Variants in LYPD4 observed in about 807,000 individuals in gnomAD.
LYPD4 encodes the protein LY6/PLAUR domain containing 4.
Under a neutral mutation model 18.2 loss-of-function variants are expected in LYPD4, and 20 were observed. The observed-to-expected ratio is 1.10, with a 90% CI of 0.77 to 1.59. The LOEUF (loss-of-function observed/expected upper bound fraction) is 1.59, where lower values mean the gene tolerates loss of function less well. Ranked by LOEUF, LYPD4 falls within the 40% of genes most tolerant of loss-of-function variation. The probability of loss-of-function intolerance (pLI) is 0.00; values close to 1 mark genes in which losing one functional copy is unlikely to be tolerated. For synonymous variants in LYPD4, 111 were observed against 118.3 expected, an observed-to-expected ratio of 0.94 and a Z score of 0.40; for missense variants, 278 against 300.3, an observed-to-expected ratio of 0.93 and a Z score of 0.55.
In LYPD4 at chr19:41,844,068, T is replaced by G. The variant is rs1600574927; in HGVS notation, c.-611A>C. The G allele has an allele frequency of 6.7e-6, 1 of 149,734 alleles. No individual in the cohort carries two copies. The highest frequency in any genetic ancestry group is 2.5e-5 in the African/African-American group (1 of 40,344). The allele number at this position is 149,734 out of a possible 1,614,324, so 9.3% of individuals were successfully genotyped here. A position where few individuals can be genotyped will look rare whatever the true frequency, so the allele number is the denominator to read the frequency against. On this transcript the variant is annotated 5_prime_UTR_variant, in exon 1 of 5. Transcript: ENST00000609812. ...GAAAATGAGGAGTGGGGCACAAAGG[T>G]GGGGCTCTCAGGGAGAAGAGGAGTC... is the stretch of plus-strand genomic sequence containing the variant.
At position 41,838,950 on chromosome 19, in the gene LYPD4, G is replaced by A. The variant is rs1555832291; in HGVS notation, c.142C>T (p.Leu48Phe). The A allele has an allele frequency of 1.2e-6, 2 of 1,613,884 alleles. No homozygotes were observed. The highest frequency in any genetic ancestry group is 1.7e-6 in the Non-Finnish European group (2 of 1,179,994). ...RAVAFHNWKW[L>F]LMRNMVCKLQ... ...TTACACACCATGTTCCTCATCAGAA[G>A]CCACTTCCAGTTATGGAAAGCAACA... Residue 48 changes from leucine to phenylalanine, a missense_variant, in exon 3 of 5, where the codon CTT becomes TTT. Leu to Phe is a conservative substitution (Grantham distance 22, BLOSUM62 0). Transcript: ENST00000609812.
At chr19:41,840,661 T>C (rs2123122091) in intron 1 of LYPD4, among the ~76,000 whole-genome samples, 1 of 151,356 alleles carries the variant, frequency 6.6e-6, no homozygotes. Flanking sequence ...TGAAACCCCA[T>C]CTCTAAAAAC....
chr19:41,837,151 T>C lies in LYPD4; in HGVS notation c.733A>G (p.Arg245Gly), dbSNP rs1411423239. The change falls in exon 5 of 5, where the codon AGG (arginine) becomes GGG (glycine). Residue 245 changes from arginine (R) to glycine (G), a missense_variant. By Grantham distance (125) the Arg-to-Gly change is moderately radical. Coordinates refer to ENST00000609812, the MANE Select transcript of LYPD4 (RefSeq NM_173506.7). ...GVVLGLLFAF[R>G]D Reference sequence around the variant, plus strand: ...CGGGTGCAGCTAGATGGTCAGTCCCTGAAGGCAAACAGGAGGCCTAAGACG... The same window carrying C: ...CGGGTGCAGCTAGATGGTCAGTCCCCGAAGGCAAACAGGAGGCCTAAGACG... 1 of 1,613,828 alleles carries C rather than the reference T, an allele frequency of 6.2e-7. No individual in the cohort carries two copies. Among genetic ancestry groups the C allele is most frequent in the Non-Finnish European group, 8.5e-7 (1 of 1,179,886 alleles).
rs782014271 is a variant in LYPD4 at position 41,837,142 on chromosome 19, G to A, written c.*1C>T. ...GGTGCTTGTCGGGTGCAGCTAGATG[G>A]TCAGTCCCTGAAGGCAAACAGGAGG... On this transcript the variant is annotated 3_prime_UTR_variant, in exon 5 of 5. Coordinates refer to ENST00000609812, the MANE Select transcript of LYPD4 (RefSeq NM_173506.7). 10 of 1,613,720 alleles carry A rather than the reference G, an allele frequency of 6.2e-6. No homozygotes were observed. The African/African-American group carries it at 1.3e-4, about 22-fold the overall frequency.
chr19:41,844,362 G>A lies in LYPD4; in HGVS notation c.-905C>T, dbSNP rs1478555611. 3 of 152,274 alleles carry A rather than the reference G, an allele frequency of 2.0e-5. No individual in the cohort carries two copies. The highest frequency in any genetic ancestry group is 2.9e-5 in the Non-Finnish European group (2 of 68,080). The allele number at this position is 152,274 out of a possible 1,614,324, so 9.4% of individuals were successfully genotyped here. On this transcript the variant is annotated 5_prime_UTR_variant, in exon 1 of 5. Transcript: ENST00000609812. ...CAGGCTATCAGGGCATGAAGCACGG[G>A]AGAAAATGGGTCCGAAGAGGGAGAG...
intron 1 of LYPD4, among the ~76,000 whole-genome samples, chr19:41,840,478 T>G (rs1555833035): frequency 3.3e-5 from 5 of 152,186 alleles, no homozygotes; most frequent in Non-Finnish European, 7.3e-5. Context: ...TCCAAGGGAC[T>G]CTATGTACCA....
downstream of LYPD4, among the ~76,000 whole-genome samples, chr19:41,836,719 G>A (rs1310293987): frequency 6.7e-6 from 1 of 148,866 alleles, no homozygotes; most frequent in Non-Finnish European, 1.5e-5. Context: ...AACATAGTGA[G>A]ACAGACCCCC....
At chr19:41,839,128 A>C in intron 2 of LYPD4, 91 bp downstream of exon 2, 2 of 1,612,556 alleles carry the variant, frequency 1.2e-6, no homozygotes, top group South Asian at 2.2e-5. Flanking sequence ...TCCCCAGCGA[A>C]ACCTAGATAC....
intron 1 of LYPD4, among the ~76,000 whole-genome samples, chr19:41,841,120 G>A (rs1358272784): frequency 3.3e-5 from 5 of 152,040 alleles, no homozygotes; most frequent in South Asian, 2.1e-4. Flanking sequence ...TAGTTAGTTC[G>A]CTGGCAAATC....
At chr19:41,838,382 C>T in intron 3 of LYPD4, 121 bp from the exon 4 acceptor site, 2 of 807,712 alleles carry the variant, frequency 2.5e-6, no homozygotes, top group Non-Finnish European at 3.6e-6. Context: ...CCCTCCCCAA[C>T]CCCTGTGTCC....
rs2073500495 is a variant in LYPD4, at chr19:41,839,421, G to T, written c.-120-16C>A. On this transcript the variant is annotated splice_polypyrimidine_tract_variant and intron_variant, in intron 1 of 4. Transcript: ENST00000609812. ...GTCACTGTTTCTGGAGCAGAAAGTT[G>T]ATTGCATCAGCTTCTAGGACATAGG... The T allele has an allele frequency of 2.5e-6, 2 of 800,232 alleles. No individual in the cohort carries two copies. Among genetic ancestry groups the T allele is most frequent in the East Asian group, 2.6e-5 (1 of 38,122 alleles). The allele number at this position is 800,232 out of a possible 1,614,324, so 49.6% of individuals were successfully genotyped here. A position where few individuals can be genotyped will look rare whatever the true frequency, so the allele number is the denominator to read the frequency against.
downstream of LYPD4, chr19:41,835,746 G>T (rs949919042): frequency 2.0e-6 from 2 of 983,246 alleles, no homozygotes; most frequent in Non-Finnish European, 2.4e-6. Flanking sequence ...CCGAAACCTC[G>T]TGTCAGTCCC....
chr19:41,835,852 T>A, downstream of LYPD4: 1 of 985,046 alleles, frequency 1.0e-6, no homozygotes, highest in Non-Finnish European at 1.2e-6. Flanking sequence ...GTTAAGCCTG[T>A]GTCCTCGCCT....
rs1600568692 is a variant in LYPD4 at position 41,843,055 on chromosome 19, AAAAAAAAAAAAAAAAAAAAAAAC to A, written c.-121+500_-121+522del. On this transcript the variant is annotated intron_variant, in intron 1 of 4. Transcript: ENST00000609812. ...GCTAAAAAAAAAAAAAAAAAAAAAA[AAAAAAAAAAAAAAAAAAAAAAAC>A]CCCAACAACAACACTACACACATCC... 9.6e-4 allele frequency among the ~76,000 whole-genome samples: 57 copies of A among 59,404 alleles called. 1 individual carries two copies. Among genetic ancestry groups the A allele is most frequent in the South Asian group, 3.2e-3 (4 of 1,238 alleles). The allele number at this position is 59,404 out of a possible 152,430, so 39.0% of individuals were successfully genotyped here.
At position 41,838,263 on chromosome 19, in the gene LYPD4, T is replaced by G; in HGVS notation, c.212-2A>C. On this transcript the variant is annotated splice_acceptor_variant, in intron 3 of 4. Coordinates refer to ENST00000609812, the MANE Select transcript of LYPD4 (RefSeq NM_173506.7). LOFTEE classifies it high-confidence loss of function. ...AGCCCACGACTCCCCTTGCAGTCCCTGAGGAGCAGAGGATTGAGAGAGCTC... is the reference window on the plus strand; with the variant it reads ...AGCCCACGACTCCCCTTGCAGTCCCGGAGGAGCAGAGGATTGAGAGAGCTC... The G allele has an allele frequency of 6.6e-7, 1 of 1,521,748 alleles. No homozygotes were observed. The allele number at this position is 1,521,748 out of a possible 1,614,324, so 94.3% of individuals were successfully genotyped here.
downstream of LYPD4, chr19:41,835,865 A>G: frequency 2.0e-6 from 2 of 981,824 alleles, no homozygotes; most frequent in Non-Finnish European, 2.4e-6. Context: ...CCTCGCCTGT[A>G]AAATGCAAAT....
Position 41,839,309 on chromosome 19 carries a change from G to C in LYPD4, c.-24C>G. 2 of 1,607,524 alleles carry C rather than the reference G, an allele frequency of 1.2e-6. No individual in the cohort carries two copies. Among genetic ancestry groups the C allele is most frequent in the Non-Finnish European group, 1.7e-6 (2 of 1,173,976 alleles). Reference sequence around the variant, plus strand: ...ATGGCCCTGTGTCTGGGTCCTGGGTGCTAGAGGTCAGTCTGGAATCAGTTT... The same window carrying C: ...ATGGCCCTGTGTCTGGGTCCTGGGTCCTAGAGGTCAGTCTGGAATCAGTTT... On this transcript the variant is annotated 5_prime_UTR_variant, in exon 2 of 5. Coordinates refer to ENST00000609812, the MANE Select transcript of LYPD4 (RefSeq NM_173506.7).
intron 1 of LYPD4, among the ~76,000 whole-genome samples, chr19:41,840,009 A>G (rs1555832903): frequency 6.6e-6 from 1 of 151,902 alleles, no homozygotes; most frequent in East Asian, 1.9e-4. Flanking sequence ...AGATCGCGCC[A>G]CTGCACTCCA....
downstream of LYPD4, chr19:41,835,173 C>T (rs1215392718): frequency 1.3e-5 from 2 of 152,152 alleles, no homozygotes; most frequent in Admixed American, 6.5e-5. Flanking sequence ...TAAAATATTG[C>T]TTCCTCATGG....
Sources: gnomAD v4.1 joint callset for allele counts (sites outside exome capture counted in the v4.1 genomes callset) on GRCh38, gnomAD v4.1.1 for gene constraint, MANE v1.5 for transcripts, NCBI Gene and HGNC (gene_info 2026-07-23, HGNC 2026-07-21) for gene names.